ADAM17: variants seen among roughly 807,000 people sequenced by gnomAD.
The protein encoded by ADAM17 is ADAM metallopeptidase domain 17, also known as disintegrin and metalloproteinase domain-containing protein 17.
In ADAM17, 39 loss-of-function variants were observed where a neutral mutation model predicts 96.7. That is an observed-to-expected ratio of 0.40 (90% CI 0.31 to 0.53). The LOEUF is 0.53. Ranked by LOEUF, ADAM17 falls within the 20% of genes least tolerant of loss-of-function variation. The probability of loss-of-function intolerance (pLI) is 0.44; values close to 1 mark genes in which losing one functional copy is unlikely to be tolerated. For synonymous variants in ADAM17, 344 were observed against 359.2 expected (o/e 0.96, Z 0.48); for missense variants, 777 against 1,013.2 (o/e 0.77, Z 3.17).
intron 14 of ADAM17, 100 bp from the exon 15 acceptor site, chr2:9,494,867 A>T (rs948769185): frequency 1.4e-6 from 2 of 1,438,020 alleles, no homozygotes; most frequent in African/African-American, 2.9e-5. Flanking sequence ...AGAGGTAAGA[A>T]ATCACATTTA....
chr2:9,554,976 G>A (rs540790514), intron 1 of ADAM17, among the ~76,000 whole-genome samples: 17 of 151,986 alleles, frequency 1.1e-4, no homozygotes, highest in Non-Finnish European at 2.2e-4. Context: ...TAGGATGTTC[G>A]CAAAAACACA....
At chr2:9,535,062 G>C (rs888364087) in intron 4 of ADAM17, among the ~76,000 whole-genome samples, 2 of 152,126 alleles carry the variant, frequency 1.3e-5, no homozygotes, top group Non-Finnish European at 2.9e-5. Flanking sequence ...GACAGTCAAA[G>C]GACTAACAGT....
intron 1 of ADAM17, among the ~76,000 whole-genome samples, chr2:9,552,337 C>T (rs1665612029): frequency 6.6e-6 from 1 of 152,172 alleles, no homozygotes; most frequent in African/African-American, 2.4e-5. Flanking sequence ...CTGCTTAATT[C>T]CTCTCCATTC....
At chr2:9,522,163 C>T in intron 7 of ADAM17, 1 of 352,898 alleles carries the variant, frequency 2.8e-6, no homozygotes, top group Non-Finnish European at 5.0e-6. Context: ...TATAATAAAA[C>T]AAGTGAAGCA....
At chr2:9,504,180 C>T (rs529353510) in intron 12 of ADAM17, among the ~76,000 whole-genome samples, 1 of 152,086 alleles carries the variant, frequency 6.6e-6, no homozygotes, top group African/African-American at 2.4e-5. Context: ...GGCACGGTGG[C>T]TCCCCTCTGT....
rs1662348247 is a variant in ADAM17, at chr2:9,493,819, A to AT, written c.1920dup (p.Cys641MetfsTer2). Reference sequence around the variant, plus strand: ...ATTACATCCTGTACTCGTTTCTCACATTTGCCCTATGAAGAAAAAACATAC... The same window carrying AT: ...ATTACATCCTGTACTCGTTTCTCACATTTTGCCCTATGAAGAAAAAACATAC... On this transcript the variant is annotated frameshift_variant, in exon 16 of 19. Coordinates refer to ENST00000310823, the MANE Select transcript of ADAM17 (RefSeq NM_003183.6). LOFTEE classifies it high-confidence loss of function. The AT allele has an allele frequency of 6.2e-7, 1 of 1,613,642 alleles. No individual in the cohort carries two copies. The highest frequency in any genetic ancestry group is 1.7e-5 in the Admixed American group (1 of 59,962).
At chr2:9,528,344 G>T (rs1164243946) in intron 4 of ADAM17, among the ~76,000 whole-genome samples, 1 of 152,078 alleles carries the variant, frequency 6.6e-6, no homozygotes, top group Non-Finnish European at 1.5e-5. Flanking sequence ...ATTGGACAAG[G>T]TTTCTGTTCA....
intron 10 of ADAM17, among the ~76,000 whole-genome samples, chr2:9,510,916 A>C (rs1663699021): frequency 6.6e-6 from 1 of 152,258 alleles, no homozygotes; most frequent in Admixed American, 6.5e-5. Flanking sequence ...AATACTATCA[A>C]ACATTATTGT....
chr2:9,515,126 T>C (rs1383693106), intron 10 of ADAM17, among the ~76,000 whole-genome samples: 1 of 152,166 alleles, frequency 6.6e-6, no homozygotes, highest in Non-Finnish European at 1.5e-5. Flanking sequence ...ACTGTTGAAG[T>C]ATCATACAGA....
chr2:9,553,899 T>C (rs1435020086), intron 1 of ADAM17, among the ~76,000 whole-genome samples: 1 of 150,620 alleles, frequency 6.6e-6, no homozygotes, highest in Non-Finnish European at 1.5e-5. Context: ...CCGTCTCTAC[T>C]AGGAATACAA....
chr2:9,534,167 G>A (rs903939605), intron 4 of ADAM17, among the ~76,000 whole-genome samples: 1 of 152,094 alleles, frequency 6.6e-6, no homozygotes, highest in Non-Finnish European at 1.5e-5. Flanking sequence ...TCAGGAGATC[G>A]AGACCATCCT....
intron 12 of ADAM17, among the ~76,000 whole-genome samples, chr2:9,503,340 C>T (rs1663141300): frequency 6.6e-6 from 1 of 152,124 alleles, no homozygotes; most frequent in African/African-American, 2.4e-5. Context: ...ACTGGTCTAT[C>T]AGTGTATATA....
At chr2:9,516,000 C>A (rs1664038851) in intron 10 of ADAM17, among the ~76,000 whole-genome samples, 1 of 152,108 alleles carries the variant, frequency 6.6e-6, no homozygotes, top group African/African-American at 2.4e-5. Flanking sequence ...AACTCCTGGG[C>A]TCGAGCAATC....
chr2:9,550,596 C>A (rs1665559249), intron 1 of ADAM17, among the ~76,000 whole-genome samples: 1 of 151,860 alleles, frequency 6.6e-6, no homozygotes, highest in Non-Finnish European at 1.5e-5. Context: ...CAGGCACGCA[C>A]CACCACGCCT....
At chr2:9,502,748 G>A (rs1257213955) in intron 12 of ADAM17, among the ~76,000 whole-genome samples, 2 of 151,050 alleles carry the variant, frequency 1.3e-5, no homozygotes, top group Non-Finnish European at 2.9e-5. Flanking sequence ...GCGTGGTGGT[G>A]CGCTCCTGTA....
At chr2:9,531,849 G>C (rs1173022849) in intron 4 of ADAM17, among the ~76,000 whole-genome samples, 1 of 152,156 alleles carries the variant, frequency 6.6e-6, no homozygotes, top group African/African-American at 2.4e-5. Context: ...TGTAATCCCA[G>C]CACTTTGGGA....
At chr2:9,499,239 T>C (rs1370246849) in intron 13 of ADAM17, among the ~76,000 whole-genome samples, 1 of 152,114 alleles carries the variant, frequency 6.6e-6, no homozygotes, top group Non-Finnish European at 1.5e-5. Context: ...AACAAAAGGC[T>C]GTTTGATAAG....
At chr2:9,518,567 A>G (rs890792227) in intron 8 of ADAM17, among the ~76,000 whole-genome samples, 3 of 152,196 alleles carry the variant, frequency 2.0e-5, no homozygotes, top group African/African-American at 4.8e-5. Context: ...CCAGGACTAG[A>G]GATGCTCCAA....
intron 8 of ADAM17, among the ~76,000 whole-genome samples, chr2:9,519,256 A>G (rs1388622860): frequency 6.6e-6 from 1 of 152,176 alleles, no homozygotes; most frequent in Non-Finnish European, 1.5e-5. Context: ...TATATGAGGA[A>G]TGAAGTGTGG....
Sources: gnomAD v4.1 joint callset for allele counts (sites outside exome capture counted in the v4.1 genomes callset) on GRCh38, gnomAD v4.1.1 for gene constraint, MANE v1.5 for transcripts, NCBI Gene and HGNC (gene_info 2026-07-23, HGNC 2026-07-21) for gene names.